RCC1L: variants seen among roughly 807,000 people sequenced by gnomAD.
RCC1L encodes RCC1-like G exchanging factor-like protein.
RCC1L carries 46 observed loss-of-function variants against 58.6 expected under a neutral mutation model. The observed-to-expected ratio is 0.79, with a 90% CI of 0.62 to 1.00. The LOEUF (loss-of-function observed/expected upper bound fraction) is 1.00, where lower values mean the gene tolerates loss of function less well. Ranked by LOEUF, RCC1L falls within the 50% of genes least tolerant of loss-of-function variation. The pLI is 0.00. For synonymous variants in RCC1L, 281 were observed against 262.9 expected (o/e 1.07, Z -0.67); for missense variants, 636 against 623.6 (o/e 1.02, Z -0.21).
intron 4 of RCC1L, 29 bp from the exon 5 acceptor site, chr7:75,063,372 C>A: frequency 6.2e-7 from 1 of 1,613,292 alleles, no homozygotes. Context: ...TGGGAAGAAG[C>A]AAGGGATGCG....
chr7:75,040,002 A>G (rs1361708880), downstream of RCC1L, among the ~76,000 whole-genome samples: 1 of 152,152 alleles, frequency 6.6e-6, no homozygotes, highest in African/African-American at 2.4e-5. Flanking sequence ...ACAGCTGGGG[A>G]GAAGGCTTGG....
At chr7:75,071,068 G>A (rs906675101) in intron 1 of RCC1L, among the ~76,000 whole-genome samples, 1 of 151,986 alleles carries the variant, frequency 6.6e-6, no homozygotes, top group Non-Finnish European at 1.5e-5. Flanking sequence ...GTTGGCCCAG[G>A]TGATCTCAAA....
intron 10 of RCC1L, among the ~76,000 whole-genome samples, chr7:75,045,308 T>C (rs1554442699): frequency 1.3e-5 from 2 of 151,930 alleles, no homozygotes; most frequent in African/African-American, 4.8e-5. Context: ...CCCTCCCAAG[T>C]AGCTAGGACT....
chr7:75,046,147 C>T (rs1805713532), intron 10 of RCC1L, among the ~76,000 whole-genome samples: 1 of 152,252 alleles, frequency 6.6e-6, no homozygotes, highest in African/African-American at 2.4e-5. Flanking sequence ...ATGCTAGAAA[C>T]CAAGTCATGC....
Position 75,058,217 on chromosome 7 carries a change from G to A in RCC1L, c.969+371C>T, listed in dbSNP as rs1166112469. The stretch of plus-strand genomic sequence containing the variant: ...CTCCCAAAGCGCTGGGATTACAGGC[G>A]TGAGCCACCACGCCCAGCCTATTTG... On this transcript the variant is annotated intron_variant, in intron 7 of 10. Transcript: ENST00000610322. 2.0e-3 allele frequency: 597 copies of A among 305,318 alleles called. 3 individuals carry two copies. The highest frequency in any genetic ancestry group is 0.013 in the African/African-American group (557 of 43,020). 18.9% of individuals were successfully genotyped at this position (305,318 alleles called of 1,614,324 possible).
rs933001887 is a variant in RCC1L, at chr7:75,063,329, A to G, written c.665T>C (p.Val222Ala). 2.5e-6 allele frequency: 4 copies of G among 1,613,590 alleles called. No homozygotes were observed. The Admixed American group carries it at 6.7e-5, about 27-fold the overall frequency. ...GCCATCGAAGTCCTGCATCCTGTGG[A>G]CTCTGTGACTTTCACTACAGCCAGG... ...ENEIYSESHRVHRMQDFDGQV... is the reference protein window; with the variant it reads ...ENEIYSESHRAHRMQDFDGQV... The change falls in exon 5 of 11, where the codon GTC (valine) becomes GCC (alanine). Residue 222 changes from valine (V) to alanine (A), a missense_variant. By Grantham distance (64) the Val-to-Ala change is moderately conservative. Coordinates refer to ENST00000610322, the MANE Select transcript of RCC1L (RefSeq NM_030798.5).
In RCC1L at chr7:75,046,844, G is replaced by A. The variant is rs1434075754; in HGVS notation, c.1318-3735C>T. On this transcript the variant is annotated intron_variant, in intron 10 of 10. Transcript: ENST00000610322. ...AACGAACGCCCACCAGGTGAAAGAC[G>A]GGGGTGCGGGAAGAAGGAACCCTGG... is the stretch of plus-strand genomic sequence containing the variant. Among the ~76,000 whole-genome samples the A allele has an allele frequency of 2.6e-5, 4 of 152,346 alleles. No individual in the cohort carries two copies. In the South Asian group the frequency reaches 6.2e-4, roughly 24 times the overall value.
In RCC1L at chr7:75,042,664, G is replaced by C. The variant is rs959171642; in HGVS notation, c.*368C>G. On this transcript the variant is annotated 3_prime_UTR_variant, in exon 11 of 11. Coordinates refer to ENST00000610322, the MANE Select transcript of RCC1L (RefSeq NM_030798.5). ...CACAAACCAAGAGACTGCCATGACA[G>C]ACAGAGCAGAAACCTCCCGAGCACT... is the stretch of plus-strand genomic sequence containing the variant. 1 of 1,123,956 alleles carries C rather than the reference G, an allele frequency of 8.9e-7. No homozygotes were observed. Among genetic ancestry groups the C allele is most frequent in the African/African-American group, 1.6e-5 (1 of 61,504 alleles). The allele number at this position is 1,123,956 out of a possible 1,614,324, so 69.6% of individuals were successfully genotyped here. A position where few individuals can be genotyped will look rare whatever the true frequency, so the allele number is the denominator to read the frequency against.
intron 2 of RCC1L, among the ~76,000 whole-genome samples, chr7:75,067,274 C>T (rs1374037551): frequency 1.3e-5 from 2 of 150,686 alleles, no homozygotes; most frequent in Admixed American, 1.3e-4. Flanking sequence ...GCACTTCAGC[C>T]TGGGGGACAA....
At chr7:75,032,618 C>T (rs1201118788) in intron 10 of RCC1L, among the ~76,000 whole-genome samples, 2 of 152,176 alleles carry the variant, frequency 1.3e-5, no homozygotes, top group Non-Finnish European at 2.9e-5. Context: ...CATCCCAACC[C>T]TGCCTCACCC....
At chr7:75,048,674 G>T (rs1805820264) in intron 10 of RCC1L, among the ~76,000 whole-genome samples, 1 of 152,258 alleles carries the variant, frequency 6.6e-6, no homozygotes, top group Admixed American at 6.5e-5. Flanking sequence ...TGGGGGATGA[G>T]GGGTGAAGGC....
chr7:75,027,630 C>A, exon 11 of RCC1L: 1 of 222,648 alleles, frequency 4.5e-6, no homozygotes, highest in Non-Finnish European at 9.0e-6. Flanking sequence ...GCGCTGGGGC[C>A]AGGGTATGGC....
intron 3 of RCC1L, among the ~76,000 whole-genome samples, chr7:75,064,917 C>T (rs587750022): frequency 6.6e-6 from 1 of 152,262 alleles, no homozygotes; most frequent in Admixed American, 6.5e-5. Flanking sequence ...CCACACCTGT[C>T]ACCAGGCTGC....
In RCC1L at chr7:75,029,506, G is replaced by A. The variant is rs1805240037; in HGVS notation, c.1318-1427C>T. Among the ~76,000 whole-genome samples, 7 of 152,006 alleles carry A rather than the reference G, an allele frequency of 4.6e-5. No individual in the cohort carries two copies. In the South Asian group the frequency reaches 1.5e-3, roughly 32 times the overall value. ...TTACAGGCACCCACCACCACGCTCG[G>A]CTAATTTTTGTATTTTTAGTAGAGA... is the stretch of plus-strand genomic sequence containing the variant. On this transcript the variant is annotated intron_variant, in intron 10 of 10. Transcript: ENST00000614461.
chr7:75,063,455 A>G (rs1806344361), intron 4 of RCC1L, 112 bp from the exon 5 acceptor site: 1 of 1,122,130 alleles, frequency 8.9e-7, no homozygotes, highest in South Asian at 1.2e-5. Context: ...TCACACAGTA[A>G]CTGTTGGGGT....
At chr7:75,056,677 C>T (rs1300932069) in intron 8 of RCC1L, 3 of 1,535,266 alleles carry the variant, frequency 2.0e-6, no homozygotes, top group South Asian at 2.4e-5. Flanking sequence ...AGTTCGCTCT[C>T]CACTCCAGAG....
At chr7:75,040,326 A>G (rs889843436), downstream of RCC1L, among the ~76,000 whole-genome samples, 2 of 152,160 alleles carry the variant, frequency 1.3e-5, no homozygotes, top group Admixed American at 6.5e-5. Flanking sequence ...CGGGCGTGGT[A>G]GTGCATGCCT....
chr7:75,072,171 T>C (rs1390575985), intron 1 of RCC1L, among the ~76,000 whole-genome samples: 5 of 87,066 alleles, frequency 5.7e-5, no homozygotes, highest in African/African-American at 1.6e-4. Context: ...CATATATATA[T>C]ATATATATAT....
intron 10 of RCC1L, among the ~76,000 whole-genome samples, chr7:75,036,242 G>A (rs1311283125): frequency 4.7e-5 from 7 of 149,706 alleles, no homozygotes; most frequent in African/African-American, 1.5e-4. Flanking sequence ...TCAGCCTCCC[G>A]GGTAGCTGGG....
Sources: gnomAD v4.1 joint callset for allele counts (sites outside exome capture counted in the v4.1 genomes callset) on GRCh38, gnomAD v4.1.1 for gene constraint, MANE v1.5 for transcripts, NCBI Gene and HGNC (gene_info 2026-07-23, HGNC 2026-07-21) for gene names.